TMEM132B: variants seen among roughly 807,000 people sequenced by gnomAD.
TMEM132B encodes transmembrane protein 132B.
In TMEM132B, 18 loss-of-function variants were observed where a neutral mutation model predicts 90.8. The ratio of observed to expected loss-of-function variants is 0.20; its 90% confidence interval spans 0.14 to 0.29. The LOEUF (loss-of-function observed/expected upper bound fraction) is 0.29. TMEM132B is among the 10% of genes least tolerant of loss of function. TMEM132B has a pLI of 1.00. For synonymous variants in TMEM132B, 504 were observed against 523.3 expected (o/e 0.96, Z 0.50); for missense variants, 1,096 against 1,326.8 (o/e 0.83, Z 2.70).
Position 125,658,338 on chromosome 12 carries a change from T to G in TMEM132B, c.*3628T>G, listed in dbSNP as rs1001336081. 4 of 152,274 alleles carry G rather than the reference T, an allele frequency of 2.6e-5. No individual in the cohort carries two copies. The highest frequency in any genetic ancestry group is 5.9e-5 in the Non-Finnish European group (4 of 68,054). The allele number at this position is 152,274 out of a possible 1,614,324, so 9.4% of individuals were successfully genotyped here. A position where few individuals can be genotyped will look rare whatever the true frequency, so the allele number is the denominator to read the frequency against. On this transcript the variant is annotated 3_prime_UTR_variant, in exon 9 of 9. Transcript: ENST00000682704. ...ATTATTTTAGAAAGGGGTCTTCCCA[T>G]TACTGGGATGTCGGGGCCCTGTCAG... is the stretch of plus-strand genomic sequence containing the variant.
intron 2 of TMEM132B, among the ~76,000 whole-genome samples, chr12:125,404,815 G>C (rs933924589): frequency 6.6e-6 from 1 of 152,156 alleles, no homozygotes; most frequent in Non-Finnish European, 1.5e-5. Context: ...AGCTCTGCTA[G>C]GGAGGGAGGA....
At chr12:125,562,987 G>T (rs930073772) in intron 4 of TMEM132B, among the ~76,000 whole-genome samples, 2 of 151,880 alleles carry the variant, frequency 1.3e-5, no homozygotes, top group African/African-American at 4.8e-5. Flanking sequence ...GAATAGGGAG[G>T]CCGAAGGAGA....
At chr12:125,270,471 A>G (rs370024494) in intron 1 of TMEM132B, among the ~76,000 whole-genome samples, 2 of 152,228 alleles carry the variant, frequency 1.3e-5, no homozygotes, top group East Asian at 3.9e-4. Context: ...AATGCAGGTA[A>G]TTTATTTTGG....
chr12:125,468,151 G>A (rs145274370), intron 3 of TMEM132B, among the ~76,000 whole-genome samples: 58 of 152,216 alleles, frequency 3.8e-4, no homozygotes, highest in Non-Finnish European at 8.2e-4. Flanking sequence ...GGGTCATATG[G>A]TAACTCTATG....
intron 1 of TMEM132B, among the ~76,000 whole-genome samples, chr12:125,259,468 C>T (rs907701084): frequency 1.3e-5 from 2 of 152,140 alleles, no homozygotes; most frequent in Non-Finnish European, 1.5e-5. Flanking sequence ...CCAGCAATGT[C>T]GTCAGCCTTC....
intron 2 of TMEM132B, among the ~76,000 whole-genome samples, chr12:125,376,290 A>G (rs1471519221): frequency 6.6e-6 from 1 of 151,884 alleles, no homozygotes; most frequent in Non-Finnish European, 1.5e-5. Context: ...TTTTTTTTCC[A>G]CTTCAAGTGC....
chr12:125,273,178 CTA>C (rs1172176027), intron 1 of TMEM132B, among the ~76,000 whole-genome samples: 4 of 152,062 alleles, frequency 2.6e-5, no homozygotes, highest in African/African-American at 4.8e-5. Flanking sequence ...TTATCTCTCT[CTA>C]TATATGTAAT....
chr12:125,483,795 C>A (rs923997103), intron 3 of TMEM132B, among the ~76,000 whole-genome samples: 2 of 152,130 alleles, frequency 1.3e-5, no homozygotes, highest in African/African-American at 4.8e-5. Flanking sequence ...TTAATATTGA[C>A]TCGTTTCTCA....
chr12:125,304,328 G>T (rs1284504461), intron 1 of TMEM132B, among the ~76,000 whole-genome samples: 1 of 152,124 alleles, frequency 6.6e-6, no homozygotes, highest in African/African-American at 2.4e-5. Context: ...CCAGGGTTTG[G>T]GGACCCCTGC....
chr12:125,438,989 A>T (rs1880783711), intron 3 of TMEM132B, among the ~76,000 whole-genome samples: 1 of 152,172 alleles, frequency 6.6e-6, no homozygotes, highest in Non-Finnish European at 1.5e-5. Context: ...ATTATTTAAA[A>T]TTTTTGCTAT....
intron 3 of TMEM132B, among the ~76,000 whole-genome samples, chr12:125,469,518 G>A (rs898648773): frequency 6.6e-6 from 1 of 152,112 alleles, no homozygotes; most frequent in Non-Finnish European, 1.5e-5. Context: ...CCTTGGGAGG[G>A]GAGTAGGTGT....
intron 2 of TMEM132B, among the ~76,000 whole-genome samples, chr12:125,362,169 C>G (rs10846880): frequency 0.37 from 55,573 of 152,036 alleles, 11,240 homozygotes; most frequent in East Asian, 0.75. Flanking sequence ...GGGGCATGAC[C>G]TTGGCTGACC....
intron 2 of TMEM132B, among the ~76,000 whole-genome samples, chr12:125,400,402 C>T (rs1048556098): frequency 6.6e-6 from 1 of 152,216 alleles, no homozygotes; most frequent in African/African-American, 2.4e-5. Flanking sequence ...TTCATGATTT[C>T]CAGTACTTCT....
At chr12:125,438,067 C>T (rs748569377) in intron 3 of TMEM132B, among the ~76,000 whole-genome samples, 5 of 152,190 alleles carry the variant, frequency 3.3e-5, no homozygotes, top group African/African-American at 4.8e-5. Context: ...TATTCAAAGG[C>T]TGTTTCTAAT....
At chr12:125,338,054 AT>A (rs1445732374) in intron 1 of TMEM132B, among the ~76,000 whole-genome samples, 2 of 152,180 alleles carry the variant, frequency 1.3e-5, no homozygotes, top group Non-Finnish European at 2.9e-5. Context: ...CCTTTTTCAC[AT>A]TTTAATTGTT....
At chr12:125,573,746 G>A (rs1884862462) in intron 4 of TMEM132B, among the ~76,000 whole-genome samples, 1 of 152,160 alleles carries the variant, frequency 6.6e-6, no homozygotes, top group Non-Finnish European at 1.5e-5. Flanking sequence ...TGTTCTTAGA[G>A]CTTCTGATTC....
At chr12:125,310,829 C>T (rs1011717554) in intron 1 of TMEM132B, among the ~76,000 whole-genome samples, 2 of 152,196 alleles carry the variant, frequency 1.3e-5, no homozygotes, top group African/African-American at 4.8e-5. Context: ...CATCTGCTAA[C>T]GGGTGTGTCG....
chr12:125,362,216 T>A (rs959417353), intron 2 of TMEM132B, among the ~76,000 whole-genome samples: 4 of 152,206 alleles, frequency 2.6e-5, no homozygotes, highest in African/African-American at 9.6e-5. Context: ...TTCCTTCTCC[T>A]GCTCAGCGCT....
At chr12:125,625,281 C>G (rs1015361320) in intron 5 of TMEM132B, among the ~76,000 whole-genome samples, 1 of 151,836 alleles carries the variant, frequency 6.6e-6, no homozygotes, top group Non-Finnish European at 1.5e-5. Context: ...TACAGGCGCC[C>G]GCCCCCACGC....
Sources: allele counts gnomAD v4.1 joint callset (sites outside exome capture counted in the v4.1 genomes callset), GRCh38; gene constraint gnomAD v4.1.1; transcripts MANE v1.5; gene names NCBI Gene and HGNC (gene_info 2026-07-23, HGNC 2026-07-21).